PLBD2: variants seen among roughly 807,000 people sequenced by gnomAD.
PLBD2 encodes phospholipase B domain containing 2.
PLBD2 carries 51 observed loss-of-function variants against 68.3 expected under a neutral mutation model. That is an observed-to-expected ratio of 0.75 (90% CI 0.60 to 0.94). The LOEUF (loss-of-function observed/expected upper bound fraction) is 0.94. PLBD2 is among the 40% of genes least tolerant of loss of function. The probability of loss-of-function intolerance (pLI) is 0.00; values close to 1 mark genes in which losing one functional copy is unlikely to be tolerated. For synonymous variants in PLBD2, 314 were observed against 339.3 expected (o/e 0.93, Z 0.82); for missense variants, 729 against 792.2 (o/e 0.92, Z 0.96).
chr12:113,385,192 A>T lies in PLBD2; in HGVS notation c.1215-20A>T, dbSNP rs1295367559. 1 of 1,613,530 alleles carries T rather than the reference A, an allele frequency of 6.2e-7. No homozygotes were observed. The highest frequency in any genetic ancestry group is 8.5e-7 in the Non-Finnish European group (1 of 1,179,678). On this transcript the variant is annotated intron_variant, in intron 8 of 11. Transcript: ENST00000280800. The stretch of plus-strand genomic sequence containing the variant: ...CCCCTTTTCTGATCACCTCCACCCC[A>T]TCTCTCTTCTCGGTCTCAGCGGCAT...
rs200598022 is a variant in PLBD2 at position 113,358,812 on chromosome 12, G to A, written c.212G>A (p.Gly71Asp). The A allele has an allele frequency of 4.0e-6, 6 of 1,499,358 alleles. No individual in the cohort carries two copies. In the East Asian group the frequency reaches 1.2e-4, roughly 29 times the overall value. The allele number at this position is 1,499,358 out of a possible 1,614,324, so 92.9% of individuals were successfully genotyped here. The change falls in exon 1 of 12, where the codon GGC becomes GAC. Residue 71 changes from glycine to aspartate, a missense_variant. Coordinates refer to ENST00000280800, the MANE Select transcript of PLBD2 (RefSeq NM_173542.4). ...SRSVLLDVSA[G>D]QLLMVDGRHP... ...TCGGTGCTCCTGGACGTCTCGGCGG[G>A]CCAGCTGCTTATGGTGGACGGACGC...
chr12:113,374,458 C>T lies in PLBD2; in HGVS notation c.544-16C>T. The T allele has an allele frequency of 6.4e-7, 1 of 1,555,424 alleles. No individual in the cohort carries two copies. The highest frequency in any genetic ancestry group is 8.7e-7 in the Non-Finnish European group (1 of 1,143,572). On this transcript the variant is annotated splice_polypyrimidine_tract_variant and intron_variant, in intron 3 of 11. Transcript: ENST00000280800. ...GAGAGGCCTCACCCTCCCTCTGCCCCCGCCCCCTCCCCTAGGTGCGGCTGA... is the reference window on the plus strand; with the variant it reads ...GAGAGGCCTCACCCTCCCTCTGCCCTCGCCCCCTCCCCTAGGTGCGGCTGA...
At position 113,386,826 on chromosome 12, in the gene PLBD2, C is replaced by T. The variant is rs1021262620; in HGVS notation, c.1287-111C>T. The T allele has an allele frequency of 2.2e-5, 29 of 1,302,404 alleles. No individual in the cohort carries two copies. The African/African-American group carries it at 3.0e-4, about 14-fold the overall frequency. 80.7% of individuals were successfully genotyped at this position (1,302,404 alleles called of 1,614,324 possible). ...GAGCCACTGCACCCAGCCTGAATGTCGTAGTTGTAAGTAATAATGTCCTGG... is the reference window on the plus strand; with the variant it reads ...GAGCCACTGCACCCAGCCTGAATGTTGTAGTTGTAAGTAATAATGTCCTGG... On this transcript the variant is annotated intron_variant, in intron 9 of 11. Transcript: ENST00000280800.
rs755812211 is a variant in PLBD2, at chr12:113,372,634, C to A, written c.385-15C>A. On this transcript the variant is annotated splice_polypyrimidine_tract_variant and intron_variant, in intron 2 of 11. Coordinates refer to ENST00000280800, the MANE Select transcript of PLBD2 (RefSeq NM_173542.4). This position sits in a 1 kb window ranked among gnomAD's most constrained non-coding sequence, Gnocchi z 4.2. ...CAGCTGCCCGCCCTTGCCTCGCCCA[C>A]CCCCTACCCCACAGCTCATCTACAT... 13 of 1,609,112 alleles carry A rather than the reference C, an allele frequency of 8.1e-6. No individual in the cohort carries two copies. Among genetic ancestry groups the A allele is most frequent in the Non-Finnish European group, 1.0e-5 (12 of 1,176,808 alleles).
At chr12:113,388,390 G>A in intron 11 of PLBD2, 69 bp from the exon 12 acceptor site, 1 of 1,419,808 alleles carries the variant, frequency 7.0e-7, no homozygotes, top group South Asian at 1.4e-5. Flanking sequence ...AGGTCAGGGT[G>A]GGAGGCTGGG....
intron 5 of PLBD2, among the ~76,000 whole-genome samples, chr12:113,375,535 A>G (rs1018180847): frequency 6.6e-6 from 1 of 152,224 alleles, no homozygotes; most frequent in Non-Finnish European, 1.5e-5. Flanking sequence ...TAAAACAACA[A>G]CAGCTTAAAT....
In PLBD2 at chr12:113,384,946, C is replaced by T. The variant is rs774300636; in HGVS notation, c.1214C>T (p.Pro405Leu). ...GTGCTTACCATCCTGGAGCAGATCC[C>T]GTGCGTACCCTGGGAGGGAGGGGTG... ...SRVLTILEQI[P>L]GMVVVADKTS... The change falls in exon 8 of 12, where the codon CCC (proline) becomes CTC (leucine). Residue 405 changes from proline to leucine, a missense_variant and splice_region_variant. Coordinates refer to ENST00000280800, the MANE Select transcript of PLBD2 (RefSeq NM_173542.4). This position sits in a 1 kb window ranked among gnomAD's most constrained non-coding sequence, Gnocchi z 4.2. The T allele has an allele frequency of 6.7e-5, 50 of 748,894 alleles. No homozygotes were observed. Among genetic ancestry groups the T allele is most frequent in the Non-Finnish European group, 1.0e-4 (46 of 461,138 alleles). 46.4% of individuals were successfully genotyped at this position (748,894 alleles called of 1,614,324 possible). A position where few individuals can be genotyped will look rare whatever the true frequency, so the allele number is the denominator to read the frequency against.
rs781418254 is a variant in PLBD2, at chr12:113,388,503, C to T, written c.1647C>T (p.Ala549=). The T allele has an allele frequency of 3.1e-6, 5 of 1,606,812 alleles. No individual in the cohort carries two copies. Among genetic ancestry groups the T allele is most frequent in the Non-Finnish European group, 4.2e-6 (5 of 1,178,458 alleles). The change falls in exon 12 of 12, where the codon GCC becomes GCT. Residue 549 remains alanine, a synonymous_variant. Transcript: ENST00000280800. ...SLARILSLLA[A]SGPTWDQVPP... Reference sequence around the variant, plus strand: ...CCAGGATCCTGAGCCTGCTGGCGGCCAGCGGTCCCACGTGGGACCAGGTGC... The same window carrying T: ...CCAGGATCCTGAGCCTGCTGGCGGCTAGCGGTCCCACGTGGGACCAGGTGC...
intron 6 of PLBD2, among the ~76,000 whole-genome samples, chr12:113,383,098 G>A (rs1957512128): frequency 6.6e-6 from 1 of 152,140 alleles, no homozygotes; most frequent in Non-Finnish European, 1.5e-5. Flanking sequence ...GTTCCAGCAG[G>A]AAATGGAGAA....
In PLBD2 at chr12:113,370,099, C is replaced by T. The variant is rs896374902; in HGVS notation, c.384+890C>T. ...ATTTTTAGTAGAGGTGGGATTTCGCCCTGTTGGCCAGGCTGGTCTCAAACT... is the reference window on the plus strand; with the variant it reads ...ATTTTTAGTAGAGGTGGGATTTCGCTCTGTTGGCCAGGCTGGTCTCAAACT... On this transcript the variant is annotated intron_variant, in intron 2 of 11. Coordinates refer to ENST00000280800, the MANE Select transcript of PLBD2 (RefSeq NM_173542.4). Among the ~76,000 whole-genome samples, 7 of 152,026 alleles carry T rather than the reference C, an allele frequency of 4.6e-5. No homozygotes were observed. The East Asian group carries it at 1.3e-3, about 29-fold the overall frequency.
At position 113,387,025 on chromosome 12, in the gene PLBD2, G is replaced by A; in HGVS notation, c.1375G>A (p.Ala459Thr). 1 of 1,612,144 alleles carries A rather than the reference G, an allele frequency of 6.2e-7. No individual in the cohort carries two copies. The highest frequency in any genetic ancestry group is 8.5e-7 in the Non-Finnish European group (1 of 1,179,256). Residue 459 changes from alanine (A) to threonine (T), a missense_variant, in exon 10 of 12, where the codon GCC becomes ACC. Transcript: ENST00000280800. ...DWFSYDGSPR[A>T]QIFRRNQSLV... ...GTTTTCTTATGACGGGAGCCCCCGG[G>A]CCCAGATCTTCCGGCGGAACCAGTC...
At position 113,387,880 on chromosome 12, in the gene PLBD2, C is replaced by T. The variant is rs145022094; in HGVS notation, c.1576C>T (p.Arg526Cys). The T allele has an allele frequency of 5.0e-5, 81 of 1,614,080 alleles. No individual in the cohort carries two copies. The African/African-American group carries it at 6.3e-4, about 12-fold the overall frequency. Reference sequence around the variant, plus strand: ...CTACCCCTTCCAGGCCCTGCGTCAGCGCTCCCATGGGGGTATCGATGTGAA... The same window carrying T: ...CTACCCCTTCCAGGCCCTGCGTCAGTGCTCCCATGGGGGTATCGATGTGAA... ...GSYPFQALRQRSHGGIDVKVT... is the reference protein window; with the variant it reads ...GSYPFQALRQCSHGGIDVKVT... The change falls in exon 11 of 12, where the codon CGC becomes TGC. Residue 526 changes from arginine to cysteine, a missense_variant. By Grantham distance (180) the Arg-to-Cys change is radical (BLOSUM62 -3). Transcript: ENST00000280800.
intron 6 of PLBD2, among the ~76,000 whole-genome samples, chr12:113,382,835 T>TTTTTTGTGTGTGTG (rs1335785271): frequency 5.6e-5 from 6 of 106,530 alleles, no homozygotes; most frequent in African/African-American, 1.2e-4. Context: ...TGGTGGTTTT[T>TTTTTTGTGTGTGTG]TGTGTGTGTG....
chr12:113,387,579 G>A (rs1346489313), intron 10 of PLBD2, among the ~76,000 whole-genome samples, 165 bp from the exon 11 acceptor site: 1 of 152,176 alleles, frequency 6.6e-6, no homozygotes, highest in Admixed American at 6.5e-5. Context: ...TAGGTGAAGG[G>A]GTCCGGGCCC....
At chr12:113,362,852 T>A (rs1197013480) in intron 1 of PLBD2, among the ~76,000 whole-genome samples, 1 of 151,874 alleles carries the variant, frequency 6.6e-6, no homozygotes, top group East Asian at 1.9e-4. Flanking sequence ...TGGCATGATC[T>A]TGGCTCATTG....
At chr12:113,361,111 G>A (rs1243839238) in intron 1 of PLBD2, among the ~76,000 whole-genome samples, 3 of 151,970 alleles carry the variant, frequency 2.0e-5, no homozygotes, top group African/African-American at 4.8e-5. Flanking sequence ...CATAGGGGGT[G>A]TCCTGGCTCC....
chr12:113,388,040 A>G (rs1299438911), intron 11 of PLBD2, 134 bp downstream of exon 11: 2 of 1,184,178 alleles, frequency 1.7e-6, no homozygotes, highest in Non-Finnish European at 2.4e-6. Context: ...GGTTGGGGTC[A>G]CAGTAAAGGT....
At chr12:113,387,164 C>G (rs1957561013) in intron 10 of PLBD2, 75 bp downstream of exon 10, 2 of 1,473,008 alleles carry the variant, frequency 1.4e-6, no homozygotes, top group South Asian at 2.9e-5. Context: ...GCTTTTTGTA[C>G]CAACTCATTC....
rs915950799 is a variant in PLBD2, at chr12:113,372,220, G to A, written c.385-429G>A. 6.7e-6 allele frequency among the ~76,000 whole-genome samples: 1 copy of A among 148,806 alleles called. No homozygotes were observed. Among genetic ancestry groups the A allele is most frequent in the African/African-American group, 2.5e-5 (1 of 40,290 alleles). The stretch of plus-strand genomic sequence containing the variant: ...GGCATCTCGGTGGGAAGTGCAGAGG[G>A]CCGCATGAAGTCTGGGTGAAACTGC... On this transcript the variant is annotated intron_variant, in intron 2 of 11. Transcript: ENST00000280800. This position sits in a 1 kb window ranked among gnomAD's most constrained non-coding sequence, Gnocchi z 4.2.
Sources: gnomAD v4.1 joint callset for allele counts (sites outside exome capture counted in the v4.1 genomes callset) on GRCh38, gnomAD v4.1.1 for gene constraint, Gnocchi (gnomAD v3.1) non-coding constraint, MANE v1.5 for transcripts, NCBI Gene and HGNC (gene_info 2026-07-23, HGNC 2026-07-21) for gene names.